MYO10: variants seen among roughly 807,000 people sequenced by gnomAD.
MYO10 encodes the protein unconventional myosin-X.
Under a neutral mutation model 257.3 loss-of-function variants are expected in MYO10, and 133 were observed. The ratio of observed to expected loss-of-function variants is 0.52; its 90% CI spans 0.45 to 0.60. The LOEUF is 0.60. MYO10 is among the 20% of genes least tolerant of loss of function. MYO10 has a pLI of 0.00. For missense variants in MYO10, 2,399 were observed against 2,635.7 expected (o/e 0.91, Z 1.97); for synonymous variants, 1,104 against 1,028.6 (o/e 1.07, Z -1.40).
intron 2 of MYO10, among the ~76,000 whole-genome samples, chr5:16,828,891 T>A (rs528230071): frequency 6.6e-6 from 1 of 152,106 alleles, no homozygotes; most frequent in East Asian, 1.9e-4. Flanking sequence ...CCCAGTGTAC[T>A]AGGTTTAATC....
At chr5:16,760,594 G>A (rs961159587) in intron 17 of MYO10, among the ~76,000 whole-genome samples, 5 of 151,876 alleles carry the variant, frequency 3.3e-5, no homozygotes, top group South Asian at 4.1e-4. Flanking sequence ...ATTCATGAAC[G>A]AATAAATGAA....
chr5:16,908,068 A>G (rs1273197027), intron 1 of MYO10, among the ~76,000 whole-genome samples: 1 of 152,108 alleles, frequency 6.6e-6, no homozygotes, highest in East Asian at 1.9e-4. Context: ...CCCTGTCTCT[A>G]CTAAAAATAC....
intron 37 of MYO10, 112 bp downstream of exon 37, chr5:16,672,577 C>T (rs1736519995): frequency 7.7e-7 from 1 of 1,293,582 alleles, no homozygotes; most frequent in African/African-American, 1.5e-5. Context: ...TAAAATAAAA[C>T]TAACTCCAAT....
intron 19 of MYO10, among the ~76,000 whole-genome samples, chr5:16,729,492 C>G (rs1189304712): frequency 2.0e-5 from 3 of 150,148 alleles, no homozygotes; most frequent in Non-Finnish European, 2.9e-5. Flanking sequence ...CACTGTGTCA[C>G]CCAGGCTGGA....
At chr5:16,891,412 C>T (rs1324981202) in intron 1 of MYO10, among the ~76,000 whole-genome samples, 1 of 134,290 alleles carries the variant, frequency 7.4e-6, no homozygotes, top group Non-Finnish European at 1.6e-5. Context: ...GAGGGGCAGG[C>T]GGAGGGGAGA....
At chr5:16,840,444 T>TGAATGAATGAATGAATGAAA (rs111737680) in intron 2 of MYO10, among the ~76,000 whole-genome samples, 4 of 100,904 alleles carry the variant, frequency 4.0e-5, no homozygotes, top group Admixed American at 1.8e-4. Flanking sequence ...AATGAATGAA[T>TGAATGAATGAATGAATGAAA]GAAAGAAAGA....
intron 2 of MYO10, among the ~76,000 whole-genome samples, chr5:16,830,219 G>T (rs1743123993): frequency 6.6e-6 from 1 of 151,730 alleles, no homozygotes; most frequent in South Asian, 2.1e-4. Context: ...CTGGGCGACA[G>T]AGGGAGACTC....
intron 9 of MYO10, among the ~76,000 whole-genome samples, chr5:16,775,129 A>G (rs889964565): frequency 2.6e-5 from 4 of 152,188 alleles, no homozygotes; most frequent in Admixed American, 6.5e-5. Flanking sequence ...AAAATAAACC[A>G]GTTGTTACTA....
At chr5:16,698,089 G>A (rs767405581) in intron 26 of MYO10, among the ~76,000 whole-genome samples, 2 of 152,192 alleles carry the variant, frequency 1.3e-5, no homozygotes, top group Non-Finnish European at 2.9e-5. Context: ...ATAATTTTCT[G>A]GCTAGGCATG....
chr5:16,830,649 A>G (rs1739557927), intron 2 of MYO10, among the ~76,000 whole-genome samples: 1 of 110,628 alleles, frequency 9.0e-6, no homozygotes, highest in Admixed American at 9.8e-5. Context: ...GCATATATGT[A>G]GTATAATCCT....
At chr5:16,792,525 A>G (rs542402793) in intron 4 of MYO10, among the ~76,000 whole-genome samples, 2 of 152,174 alleles carry the variant, frequency 1.3e-5, no homozygotes, top group East Asian at 3.9e-4. Flanking sequence ...CCAGGGTTTC[A>G]GAGGGGCCTC....
rs751300886 is a variant in MYO10 at position 16,672,653 on chromosome 5, T to C, written c.5309+36A>G. On this transcript the variant is annotated intron_variant, in intron 37 of 40. Transcript: ENST00000513610. ...GAACCCTGCTCTGCAATTTCTCTTATTTGCTCTTCTGACACAGTAGGGAAA... is the reference window on the plus strand; with the variant it reads ...GAACCCTGCTCTGCAATTTCTCTTACTTGCTCTTCTGACACAGTAGGGAAA... The C allele has an allele frequency of 3.1e-6, 5 of 1,612,362 alleles. No homozygotes were observed. The Admixed American group carries it at 6.7e-5, about 22-fold the overall frequency.
At chr5:16,931,317 T>C (rs1375373529) in intron 1 of MYO10, among the ~76,000 whole-genome samples, 2 of 152,090 alleles carry the variant, frequency 1.3e-5, no homozygotes, top group Admixed American at 6.6e-5. Flanking sequence ...ATACTCCATG[T>C]CCTACCAATC....
At position 16,672,898 on chromosome 5, in the gene MYO10, A is replaced by C. The variant is rs1736538028; in HGVS notation, c.5173-73T>G. The C allele has an allele frequency of 3.9e-6, 6 of 1,521,900 alleles. 1 individual carries two copies. In the South Asian group the frequency reaches 6.2e-5, roughly 16 times the overall value. 94.3% of individuals were successfully genotyped at this position (1,521,900 alleles called of 1,614,324 possible). On this transcript the variant is annotated intron_variant, in intron 36 of 40. Transcript: ENST00000513610. ...ACACGTGTTCCCAGAACGTGCCATCACCTGATCCCAGAGGGAGCTGCTGGC... is the reference window on the plus strand; with the variant it reads ...ACACGTGTTCCCAGAACGTGCCATCCCCTGATCCCAGAGGGAGCTGCTGGC...
chr5:16,862,464 A>G (rs1744134416), intron 2 of MYO10, among the ~76,000 whole-genome samples: 1 of 152,226 alleles, frequency 6.6e-6, no homozygotes, highest in African/African-American at 2.4e-5. Flanking sequence ...TCACACCGGC[A>G]TTAAATGATG....
intron 19 of MYO10, among the ~76,000 whole-genome samples, chr5:16,731,291 C>A (rs1376349264): frequency 6.6e-6 from 1 of 151,864 alleles, no homozygotes; most frequent in Non-Finnish European, 1.5e-5. Context: ...GAGCCACCCA[C>A]CTCAGCCTCC....
At chr5:16,679,921 A>G (rs1651165607) in intron 33 of MYO10, 26 bp downstream of exon 33, 5 of 1,608,350 alleles carry the variant, frequency 3.1e-6, no homozygotes, top group Non-Finnish European at 4.3e-6. Flanking sequence ...GTAATCACCC[A>G]CCTTGATGGG....
chr5:16,848,146 T>C (rs1159357602), intron 2 of MYO10, among the ~76,000 whole-genome samples: 1 of 148,902 alleles, frequency 6.7e-6, no homozygotes, highest in Non-Finnish European at 1.5e-5. Flanking sequence ...AGCAAAGAAC[T>C]ACACATTTCT....
intron 9 of MYO10, among the ~76,000 whole-genome samples, chr5:16,774,085 T>A (rs1001844709): frequency 3.3e-5 from 5 of 152,190 alleles, no homozygotes; most frequent in African/African-American, 1.2e-4. Context: ...CTTCAAGGCT[T>A]ATTATAATTA....
Sources: gnomAD v4.1 joint callset for allele counts (sites outside exome capture counted in the v4.1 genomes callset) on GRCh38, gnomAD v4.1.1 for gene constraint, MANE v1.5 for transcripts, NCBI Gene and HGNC (gene_info 2026-07-23, HGNC 2026-07-21) for gene names.